Variants in LSAMP observed in about 807,000 individuals in gnomAD.
LSAMP encodes the protein limbic system-associated membrane protein.
LSAMP carries 7 observed loss-of-function variants against 38.6 expected under a neutral mutation model. The ratio of observed to expected loss-of-function variants is 0.18; its 90% CI spans 0.10 to 0.34. LSAMP has a LOEUF of 0.34. LSAMP is among the 10% of genes least tolerant of loss of function. The probability of loss-of-function intolerance (pLI) is 1.00; values close to 1 mark genes in which losing one functional copy is unlikely to be tolerated. For synonymous variants in LSAMP, 154 were observed against 166.8 expected, an observed-to-expected ratio of 0.92 and a Z score of 0.59; for missense variants, 313 against 420.0, an observed-to-expected ratio of 0.75 and a Z score of 2.23.
intron 2 of LSAMP, among the ~76,000 whole-genome samples, chr3:116,043,063 A>G (rs1941210196): frequency 6.6e-6 from 1 of 152,192 alleles, no homozygotes; most frequent in Non-Finnish European, 1.5e-5. Flanking sequence ...CATGATATAA[A>G]GCAACATCCC....
chr3:116,017,521 T>C (rs1459417596), intron 3 of LSAMP, among the ~76,000 whole-genome samples: 2 of 152,102 alleles, frequency 1.3e-5, no homozygotes, highest in Non-Finnish European at 2.9e-5. Flanking sequence ...AAGTGTGATC[T>C]GAAATGGACT....
chr3:115,912,825 T>G (rs1464624899), intron 3 of LSAMP, among the ~76,000 whole-genome samples: 1 of 152,192 alleles, frequency 6.6e-6, no homozygotes, highest in Non-Finnish European at 1.5e-5. Context: ...ATTTTCAGAT[T>G]GCTGGCTTCC....
chr3:116,319,792 G>A (rs977254852), intron 1 of LSAMP, among the ~76,000 whole-genome samples: 14 of 140,832 alleles, frequency 9.9e-5, no homozygotes, highest in African/African-American at 3.2e-4. Flanking sequence ...TAGACTCAAA[G>A]TTTTTTTTTT....
intron 3 of LSAMP, among the ~76,000 whole-genome samples, chr3:116,000,398 C>G (rs1939956332): frequency 6.6e-6 from 1 of 152,076 alleles, no homozygotes; most frequent in Non-Finnish European, 1.5e-5. Context: ...GATGATGGAA[C>G]CAGAATTCCA....
intron 1 of LSAMP, among the ~76,000 whole-genome samples, chr3:116,342,507 T>G (rs900743351): frequency 6.6e-6 from 1 of 152,094 alleles, no homozygotes; most frequent in African/African-American, 2.4e-5. Context: ...ATTGTTTTTC[T>G]CCACAAAGAA....
chr3:116,183,481 A>G (rs1186980994), intron 1 of LSAMP, among the ~76,000 whole-genome samples: 2 of 151,810 alleles, frequency 1.3e-5, no homozygotes, highest in Non-Finnish European at 3.0e-5. Flanking sequence ...GTTAGAGCAT[A>G]TGGGCCCTTG....
chr3:116,386,809 C>T (rs906501290), intron 1 of LSAMP, among the ~76,000 whole-genome samples: 44 of 152,070 alleles, frequency 2.9e-4, no homozygotes, highest in African/African-American at 1.1e-3. Context: ...TGCCATTTTC[C>T]ATCTGGAGCC....
intron 4 of LSAMP, 27 bp from the exon 5 acceptor site, chr3:115,842,605 T>C: frequency 1.2e-6 from 2 of 1,611,708 alleles, no homozygotes. Flanking sequence ...CACACAAGTT[T>C]ACATGAGGGT....
At chr3:115,837,101 C>A (rs1934812269) in intron 6 of LSAMP, among the ~76,000 whole-genome samples, 1 of 152,148 alleles carries the variant, frequency 6.6e-6, no homozygotes, top group Non-Finnish European at 1.5e-5. Context: ...AAACAGCAAG[C>A]CTTTCCGATA....
intron 1 of LSAMP, among the ~76,000 whole-genome samples, chr3:116,384,033 T>C (rs1184460592): frequency 2.0e-5 from 3 of 152,136 alleles, no homozygotes; most frequent in Admixed American, 6.6e-5. Flanking sequence ...AAAGGGACTT[T>C]GTTAAACAAG....
rs192261618 is a variant in LSAMP at position 115,922,648 on chromosome 3, A to G, written c.515-70031T>C. ...TACAACTTTTTATTTGGGTCCACAC[A>G]TTTGAAAAGACAGCCATCTTACCCA... On this transcript the variant is annotated intron_variant, in intron 3 of 6. Transcript: ENST00000490035. 2.0e-5 allele frequency among the ~76,000 whole-genome samples: 3 copies of G among 152,094 alleles called. No individual in the cohort carries two copies. In the East Asian group the frequency reaches 5.8e-4, roughly 29 times the overall value.
At chr3:116,434,257 T>C (rs1317290372) in intron 1 of LSAMP, among the ~76,000 whole-genome samples, 2 of 152,198 alleles carry the variant, frequency 1.3e-5, no homozygotes, top group Non-Finnish European at 2.9e-5. Context: ...CAACCATCTT[T>C]CTCTGTTCAA....
intron 3 of LSAMP, among the ~76,000 whole-genome samples, chr3:115,955,484 T>G (rs559378341): frequency 6.6e-6 from 1 of 152,330 alleles, no homozygotes; most frequent in South Asian, 2.1e-4. Flanking sequence ...ACCTACTGTA[T>G]GCTAGACACT....
At chr3:116,218,388 T>A (rs889484130) in intron 1 of LSAMP, among the ~76,000 whole-genome samples, 21 of 152,182 alleles carry the variant, frequency 1.4e-4, no homozygotes, top group Admixed American at 8.5e-4. Context: ...ACACTGGGTT[T>A]TTTTCCTGGT....
At chr3:116,285,224 A>G (rs1253880896) in intron 1 of LSAMP, among the ~76,000 whole-genome samples, 1 of 152,094 alleles carries the variant, frequency 6.6e-6, no homozygotes, top group African/African-American at 2.4e-5. Flanking sequence ...AAATAATCCC[A>G]TATCACTGTT....
chr3:116,332,844 T>A (rs1329836773), intron 1 of LSAMP, among the ~76,000 whole-genome samples: 2 of 152,072 alleles, frequency 1.3e-5, no homozygotes, highest in Non-Finnish European at 2.9e-5. Context: ...AGGATGGCTC[T>A]ACTAGTATCA....
At chr3:116,358,710 T>G (rs1197038620) in intron 1 of LSAMP, among the ~76,000 whole-genome samples, 1 of 152,150 alleles carries the variant, frequency 6.6e-6, no homozygotes, top group African/African-American at 2.4e-5. Context: ...TACACAGAAA[T>G]GCTGACTGAA....
chr3:115,959,345 T>C (rs1189427796), intron 3 of LSAMP, among the ~76,000 whole-genome samples: 2 of 152,164 alleles, frequency 1.3e-5, no homozygotes, highest in African/African-American at 4.8e-5. Context: ...GGTTTTCAAA[T>C]TGGTGGATCC....
intron 1 of LSAMP, among the ~76,000 whole-genome samples, chr3:116,396,132 G>A (rs2048763955): frequency 6.6e-6 from 1 of 152,136 alleles, no homozygotes; most frequent in Non-Finnish European, 1.5e-5. Context: ...CTGAATATAT[G>A]CAATGTGGCT....
Sources: gnomAD v4.1 joint callset for allele counts (sites outside exome capture counted in the v4.1 genomes callset) on GRCh38, gnomAD v4.1.1 for gene constraint, MANE v1.5 for transcripts, NCBI Gene and HGNC (gene_info 2026-07-23, HGNC 2026-07-21) for gene names.